Variants in OSBPL3 observed in about 807,000 individuals in gnomAD.
OSBPL3 encodes the protein oxysterol-binding protein-related protein 3.
OSBPL3 carries 65 observed loss-of-function variants against 120.1 expected under a neutral mutation model. The ratio of observed to expected loss-of-function variants is 0.54; its 90% CI spans 0.44 to 0.67. OSBPL3 has a LOEUF of 0.67. Among genes scored for constraint, OSBPL3 ranks in the 30% least tolerant of loss-of-function variants. The pLI is 0.00. For missense variants in OSBPL3, 1,004 were observed against 1,082.1 expected, an observed-to-expected ratio of 0.93 and a Z score of 1.01; for synonymous variants, 416 against 402.6, an observed-to-expected ratio of 1.03 and a Z score of -0.40.
Position 24,916,642 on chromosome 7 carries a change from T to C in OSBPL3, c.-149-24021A>G. On this transcript the variant is annotated intron_variant, in intron 1 of 22. Coordinates refer to ENST00000313367, the MANE Select transcript of OSBPL3 (RefSeq NM_015550.4). This position sits in a 1 kb window ranked among gnomAD's most constrained non-coding sequence, Gnocchi z 4.9. ...CCTGACCCTCTTCTCTGGCTGTGTC[T>C]CAACTGTTGGAGAAACATTATGTGC... is the stretch of plus-strand genomic sequence containing the variant. Among the ~76,000 whole-genome samples the C allele has an allele frequency of 6.6e-6, 1 of 152,086 alleles. No homozygotes were observed. Among genetic ancestry groups the C allele is most frequent in the Non-Finnish European group, 1.5e-5 (1 of 68,020 alleles).
chr7:24,875,023 A>G (rs893457529), intron 2 of OSBPL3, among the ~76,000 whole-genome samples: 1 of 152,198 alleles, frequency 6.6e-6, no homozygotes, highest in Non-Finnish European at 1.5e-5. Context: ...AATGGCTGGG[A>G]GCCAGGAATG....
At chr7:24,980,569 G>A (rs746666015), upstream of OSBPL3, among the ~76,000 whole-genome samples, 260 of 152,220 alleles carry the variant, frequency 1.7e-3, no homozygotes, top group Middle Eastern at 6.8e-3. Flanking sequence ...GCGCGGGAGG[G>A]GCAGGTTTAC....
At chr7:24,895,411 A>G (rs1321210747) in intron 1 of OSBPL3, among the ~76,000 whole-genome samples, 4 of 152,214 alleles carry the variant, frequency 2.6e-5, no homozygotes, top group Non-Finnish European at 5.9e-5. Flanking sequence ...CCGGGTGTGT[A>G]GCAGGCTCTG....
chr7:24,875,891 AC>A (rs1035484216), intron 2 of OSBPL3, among the ~76,000 whole-genome samples: 2 of 152,178 alleles, frequency 1.3e-5, no homozygotes, highest in Non-Finnish European at 1.5e-5. Flanking sequence ...CAGGGTAAGA[AC>A]CACTAATGAA....
chr7:24,842,024 A>AT (rs1562808679), intron 13 of OSBPL3, among the ~76,000 whole-genome samples: 1 of 152,140 alleles, frequency 6.6e-6, no homozygotes, highest in Non-Finnish European at 1.5e-5. Context: ...AAAAAAAAAA[A>AT]AGTATAACAA....
At chr7:24,890,870 A>G (rs905645393) in intron 2 of OSBPL3, among the ~76,000 whole-genome samples, 2 of 152,242 alleles carry the variant, frequency 1.3e-5, no homozygotes, top group Non-Finnish European at 2.9e-5. Flanking sequence ...TGTGAAAACC[A>G]AATCAATTCC....
intron 1 of OSBPL3, among the ~76,000 whole-genome samples, chr7:24,973,042 T>C (rs112330946): frequency 3.9e-5 from 6 of 152,274 alleles, no homozygotes; most frequent in African/African-American, 1.2e-4. Context: ...GTAAACAAAA[T>C]AGCAAACTTT....
At chr7:24,975,520 T>C (rs1421271966) in intron 1 of OSBPL3, among the ~76,000 whole-genome samples, 1 of 152,124 alleles carries the variant, frequency 6.6e-6, no homozygotes, top group Non-Finnish European at 1.5e-5. Context: ...TAAGCAAATA[T>C]AATTAATACT....
rs373768489 is a variant in OSBPL3, at chr7:24,962,237, A to C, written c.-150+17649T>G. On this transcript the variant is annotated intron_variant, in intron 1 of 22. Coordinates refer to ENST00000313367, the MANE Select transcript of OSBPL3 (RefSeq NM_015550.4). ...AGAATCGCTTGAACCTGGGAGGCGG[A>C]GGTTGCAGTGAGCCAAGATCATGCC... Among the ~76,000 whole-genome samples the C allele has an allele frequency of 2.8e-4, 42 of 152,008 alleles. No individual in the cohort carries two copies. The East Asian group carries it at 7.9e-3, about 29-fold the overall frequency.
Position 24,830,939 on chromosome 7 carries a change from G to A in OSBPL3, c.1747-34C>T, listed in dbSNP as rs1357368101. The A allele has an allele frequency of 1.3e-5, 21 of 1,562,318 alleles. No individual in the cohort carries two copies. Among genetic ancestry groups the A allele is most frequent in the South Asian group, 4.8e-5 (4 of 82,740 alleles). On this transcript the variant is annotated intron_variant, in intron 15 of 22. Transcript: ENST00000313367. The surrounding 1 kb of genome is among the most constrained non-coding windows in gnomAD (Gnocchi z 4.4). Reference sequence around the variant, plus strand: ...AAGAGAAAAGAACTTTGTCATTTCCGTGTCACCAAGAGCTTTATTGTTCAC... The same window carrying A: ...AAGAGAAAAGAACTTTGTCATTTCCATGTCACCAAGAGCTTTATTGTTCAC...
chr7:24,807,882 G>C (rs1316509619), intron 20 of OSBPL3, among the ~76,000 whole-genome samples: 1 of 152,094 alleles, frequency 6.6e-6, no homozygotes, highest in Non-Finnish European at 1.5e-5. Context: ...ATGCTTGCCA[G>C]TAACTCTTCT....
chr7:24,968,202 TAAA>T lies in OSBPL3; in HGVS notation c.-150+11681_-150+11683del, dbSNP rs750463153. On this transcript the variant is annotated intron_variant, in intron 1 of 22. Coordinates refer to ENST00000313367, the MANE Select transcript of OSBPL3 (RefSeq NM_015550.4). The surrounding 1 kb of genome is among the most constrained non-coding windows in gnomAD (Gnocchi z 4.6). ...TTTTTATATATACAGTGAGTACAAT[TAAA>T]TGTTTATCAACCAGCTCTCTGGAAA... Among the ~76,000 whole-genome samples the T allele has an allele frequency of 0.033, 4,970 of 152,270 alleles. 136 individuals are homozygous for T. The highest frequency in any genetic ancestry group is 0.053 in the Non-Finnish European group (3,602 of 68,008).
chr7:24,917,468 T>TAC (rs10573041), intron 1 of OSBPL3, among the ~76,000 whole-genome samples: 1,547 of 111,800 alleles, frequency 0.014, 30 homozygotes, highest in South Asian at 0.022. Context: ...TATATATATA[T>TAC]ACACACACAC....
At chr7:24,864,845 T>C (rs1801077424) in intron 7 of OSBPL3, among the ~76,000 whole-genome samples, 1 of 152,152 alleles carries the variant, frequency 6.6e-6, no homozygotes, top group Non-Finnish European at 1.5e-5. Flanking sequence ...GGAAAATTAG[T>C]GATATCAGGG....
rs1469959154 is a variant in OSBPL3, at chr7:24,937,565, A to G, written c.-150+42321T>C. Among the ~76,000 whole-genome samples, 1 of 152,202 alleles carries G rather than the reference A, an allele frequency of 6.6e-6. No homozygotes were observed. The highest frequency in any genetic ancestry group is 1.5e-5 in the Non-Finnish European group (1 of 68,026). On this transcript the variant is annotated intron_variant, in intron 1 of 22. Coordinates refer to ENST00000313367, the MANE Select transcript of OSBPL3 (RefSeq NM_015550.4). The surrounding 1 kb of genome is among the most constrained non-coding windows in gnomAD (Gnocchi z 4.0). ...CTCATGGACATTTAGGTTGCTTCCA[A>G]TGTTTTTCTCTAACAAACAATACAG...
Position 24,872,701 on chromosome 7 carries a change from CTT to C in OSBPL3, c.97-634_97-633del, listed in dbSNP as rs1218705087. On this transcript the variant is annotated intron_variant, in intron 2 of 22. Transcript: ENST00000313367. The surrounding 1 kb of genome is among the most constrained non-coding windows in gnomAD (Gnocchi z 4.1). ...TTTCCCAGAAATTTGTTTTTTCCAT[CTT>C]TGTTTCAAAAACTTTTCTTTCTTTG... Among the ~76,000 whole-genome samples, 2 of 152,078 alleles carry C rather than the reference CTT, an allele frequency of 1.3e-5. No homozygotes were observed. The highest frequency in any genetic ancestry group is 2.1e-4 in the South Asian group (1 of 4,822).
chr7:24,975,351 T>C (rs746076617), intron 1 of OSBPL3, among the ~76,000 whole-genome samples: 5 of 152,238 alleles, frequency 3.3e-5, no homozygotes, highest in Non-Finnish European at 5.9e-5. Flanking sequence ...CGACATAAAA[T>C]GATGATGGCA....
At chr7:24,882,918 A>T (rs1303993994) in intron 2 of OSBPL3, among the ~76,000 whole-genome samples, 33 of 151,904 alleles carry the variant, frequency 2.2e-4, no homozygotes, top group African/African-American at 8.0e-4. Flanking sequence ...TAATGAGATT[A>T]TTTGTTTTTT....
intron 1 of OSBPL3, among the ~76,000 whole-genome samples, chr7:24,979,647 C>G (rs1818017325): frequency 6.6e-6 from 1 of 152,136 alleles, no homozygotes; most frequent in Non-Finnish European, 1.5e-5. Flanking sequence ...AGCCGTCCCT[C>G]GAGGGAAGGT....
Sources: allele counts gnomAD v4.1 joint callset (sites outside exome capture counted in the v4.1 genomes callset), GRCh38; gene constraint gnomAD v4.1.1; non-coding constraint Gnocchi (gnomAD v3.1); transcripts MANE v1.5; gene names NCBI Gene and HGNC (gene_info 2026-07-23, HGNC 2026-07-21).